Variants in ARHGAP15 observed in about 807,000 individuals in gnomAD.
The protein encoded by ARHGAP15 is rho GTPase-activating protein 15.
A neutral mutation model predicts 63.7 loss-of-function variants in ARHGAP15; 51 were observed. The observed-to-expected ratio is 0.80, with a 90% CI of 0.64 to 1.01. ARHGAP15 has a LOEUF of 1.01. Ranked by LOEUF, ARHGAP15 falls within the 50% of genes least tolerant of loss-of-function variation. The pLI is 0.00. For missense variants in ARHGAP15, 560 were observed against 564.6 expected (o/e 0.99, Z 0.08); for synonymous variants, 191 against 193.8 (o/e 0.99, Z 0.12).
chr2:143,266,535 G>A (rs563000100), intron 6 of ARHGAP15, among the ~76,000 whole-genome samples: 8 of 152,220 alleles, frequency 5.3e-5, no homozygotes, highest in African/African-American at 1.9e-4. Flanking sequence ...ATTTGGAAAT[G>A]ATATGTATCT....
chr2:143,673,066 A>G lies in ARHGAP15; in HGVS notation c.1139-30353A>G, dbSNP rs1267961944. Among the ~76,000 whole-genome samples, 3 of 152,208 alleles carry G rather than the reference A, an allele frequency of 2.0e-5. No individual in the cohort carries two copies. In the East Asian group the frequency reaches 5.8e-4, roughly 29 times the overall value. ...GGAACCACACAATACGAGCCCCATG[A>G]TTGTGCCAGCTTTCCACCTGGGCAC... On this transcript the variant is annotated intron_variant, in intron 12 of 13. Transcript: ENST00000295095.
chr2:143,580,194 G>A (rs1696840018), intron 11 of ARHGAP15, among the ~76,000 whole-genome samples: 1 of 151,698 alleles, frequency 6.6e-6, no homozygotes, highest in South Asian at 2.1e-4. Flanking sequence ...CTAAAGACAG[G>A]TGAAAGAAGT....
chr2:143,449,568 G>A (rs190865923), intron 8 of ARHGAP15, among the ~76,000 whole-genome samples: 250 of 152,064 alleles, frequency 1.6e-3, no homozygotes, highest in Non-Finnish European at 2.1e-3. Flanking sequence ...TGTTTTACTC[G>A]TAGACTAAGT....
At chr2:143,423,099 G>A (rs1315222675) in intron 6 of ARHGAP15, among the ~76,000 whole-genome samples, 1 of 152,096 alleles carries the variant, frequency 6.6e-6, no homozygotes, top group East Asian at 1.9e-4. Flanking sequence ...AGAAAGAGCT[G>A]GAGAAACCCC....
chr2:143,639,929 T>G (rs1361235745), intron 12 of ARHGAP15, among the ~76,000 whole-genome samples: 1 of 152,146 alleles, frequency 6.6e-6, no homozygotes, highest in Non-Finnish European at 1.5e-5. Context: ...ACCACAGATC[T>G]TAATAGTATT....
Position 143,393,901 on chromosome 2 carries a change from G to A in ARHGAP15, c.475-41700G>A, listed in dbSNP as rs188710815. 1.8e-3 allele frequency among the ~76,000 whole-genome samples: 275 copies of A among 152,134 alleles called. 3 individuals are homozygous for A. Among genetic ancestry groups the A allele is most frequent in the Non-Finnish European group, 3.2e-3 (218 of 67,990 alleles). Reference sequence around the variant, plus strand: ...AGCAATCTACTGAAAATATCTACTCGGCAAGCAATACTTCTCAGTAAACAT... The same window carrying A: ...AGCAATCTACTGAAAATATCTACTCAGCAAGCAATACTTCTCAGTAAACAT... On this transcript the variant is annotated intron_variant, in intron 6 of 13. Transcript: ENST00000295095.
At chr2:143,464,464 T>G (rs781390929) in intron 8 of ARHGAP15, among the ~76,000 whole-genome samples, 3 of 152,148 alleles carry the variant, frequency 2.0e-5, no homozygotes, top group Non-Finnish European at 4.4e-5. Flanking sequence ...GAATTCTTAT[T>G]AACATGGCAA....
At chr2:143,399,480 A>AAAT (rs967703898) in intron 6 of ARHGAP15, among the ~76,000 whole-genome samples, 12 of 152,052 alleles carry the variant, frequency 7.9e-5, no homozygotes, top group African/African-American at 2.7e-4. Context: ...AAGCAAAGCA[A>AAAT]AATAATAATA....
rs558379483 is a variant in ARHGAP15 at position 143,577,535 on chromosome 2, C to CCT, written c.1003+21056_1003+21057dup. ...GCTTAAACAGAATCGTAAGGCCTAA[C>CCT]CTCTCTCGGTCTCTCAGCTCTGCTC... is the stretch of plus-strand genomic sequence containing the variant. On this transcript the variant is annotated intron_variant, in intron 11 of 13. Transcript: ENST00000295095. 2.0e-4 allele frequency among the ~76,000 whole-genome samples: 31 copies of CCT among 152,206 alleles called. No homozygotes were observed. The East Asian group carries it at 5.8e-3, about 28-fold the overall frequency.
chr2:143,139,998 G>A (rs568330945), intron 1 of ARHGAP15, among the ~76,000 whole-genome samples: 1 of 152,212 alleles, frequency 6.6e-6, no homozygotes, highest in Admixed American at 6.5e-5. Context: ...CCCTGCATGA[G>A]GCACATAGTA....
intron 6 of ARHGAP15, among the ~76,000 whole-genome samples, chr2:143,397,219 A>G (rs188461583): frequency 7.5e-4 from 113 of 150,714 alleles, no homozygotes; most frequent in African/African-American, 2.6e-3. Context: ...TTTCATCTCA[A>G]TGAAGTAGTT....
intron 6 of ARHGAP15, among the ~76,000 whole-genome samples, chr2:143,366,697 G>T (rs776479139): frequency 7.2e-5 from 11 of 151,988 alleles, no homozygotes; most frequent in Non-Finnish European, 1.5e-4. Flanking sequence ...TAGGGTTAAA[G>T]AAATGATTCA....
chr2:143,673,784 A>ATGTATAT (rs71404481), intron 12 of ARHGAP15, among the ~76,000 whole-genome samples: 4 of 114,186 alleles, frequency 3.5e-5, no homozygotes, highest in African/African-American at 1.1e-4. Flanking sequence ...ATATATATAT[A>ATGTATAT]AACAACTCCT....
chr2:143,363,311 A>T (rs1302282063), intron 6 of ARHGAP15, among the ~76,000 whole-genome samples: 3 of 152,052 alleles, frequency 2.0e-5, no homozygotes, highest in Non-Finnish European at 1.5e-5. Context: ...GAGGCCAAGG[A>T]GGAGGATCAC....
intron 1 of ARHGAP15, among the ~76,000 whole-genome samples, chr2:143,154,838 C>T (rs1379592441): frequency 6.6e-6 from 1 of 151,894 alleles, no homozygotes; most frequent in Non-Finnish European, 1.5e-5. Flanking sequence ...CAGACTCCTT[C>T]TATTAAAATA....
At chr2:143,365,069 G>A (rs1574338495) in intron 6 of ARHGAP15, among the ~76,000 whole-genome samples, 1 of 152,124 alleles carries the variant, frequency 6.6e-6, no homozygotes, top group Admixed American at 6.6e-5. Context: ...GGAAAGGAAG[G>A]TGGAACAGTA....
intron 12 of ARHGAP15, among the ~76,000 whole-genome samples, chr2:143,662,148 G>C (rs577029050): frequency 6.6e-6 from 1 of 152,258 alleles, no homozygotes; most frequent in African/African-American, 2.4e-5. Flanking sequence ...AGTAACCTCT[G>C]CAGACTTAAA....
At chr2:143,162,177 C>G (rs539741035) in intron 2 of ARHGAP15, 6 of 152,086 alleles carry the variant, frequency 3.9e-5, no homozygotes, top group African/African-American at 1.4e-4. Context: ...CCAGTGAGCG[C>G]TGATTATCCC....
At chr2:143,323,130 T>C (rs764415050) in intron 6 of ARHGAP15, among the ~76,000 whole-genome samples, 14 of 152,210 alleles carry the variant, frequency 9.2e-5, no homozygotes, top group South Asian at 4.1e-4. Context: ...ATTGTTTTTA[T>C]TTAGAAAATG....
Sources: gnomAD v4.1 joint callset for allele counts (sites outside exome capture counted in the v4.1 genomes callset) on GRCh38, gnomAD v4.1.1 for gene constraint, MANE v1.5 for transcripts, NCBI Gene and HGNC (gene_info 2026-07-23, HGNC 2026-07-21) for gene names.